Variants in ASMTL observed in about 807,000 individuals in gnomAD.
ASMTL encodes the protein acetylserotonin O-methyltransferase like, also known as probable bifunctional dTTP/UTP pyrophosphatase/methyltransferase protein.
Under a neutral mutation model 60.3 loss-of-function variants are expected in ASMTL, and 57 were observed. That is an observed-to-expected ratio of 0.95 (90% CI 0.76 to 1.18). The LOEUF (loss-of-function observed/expected upper bound fraction) is 1.18, where lower values mean the gene tolerates loss of function less well. Among genes scored for constraint, ASMTL ranks in the 50% most tolerant of loss-of-function variants. The pLI is 0.00. For missense variants in ASMTL, 981 were observed against 852.6 expected (o/e 1.15, Z -1.88); for synonymous variants, 419 against 373.0 (o/e 1.12, Z -1.42).
chrX:1,413,031 G>A, intron 11 of ASMTL, 177 bp from the exon 12 acceptor site: 2 of 687,204 alleles, frequency 2.9e-6, no homozygotes, highest in South Asian at 1.8e-5. Context: ...GCTCCATGAG[G>A]AGCTGGTTAG....
At position 1,412,920 on chromosome X, in the gene ASMTL, C is replaced by T. The variant is rs1254518303; in HGVS notation, c.1523-66G>A. On this transcript the variant is annotated intron_variant, in intron 11 of 12. Coordinates refer to ENST00000381317, the MANE Select transcript of ASMTL (RefSeq NM_004192.4). ...AAGAAGCAGTCCTCCCCGGACAGAT[C>T]CTGGGACGGCCACCCGCATCCTAAA... The T allele has an allele frequency of 1.0e-5, 16 of 1,575,082 alleles. 1 individual carries two copies. In the South Asian group the frequency reaches 1.5e-4, roughly 15 times the overall value.
intron 7 of ASMTL, 89 bp downstream of exon 7, chrX:1,427,645 C>T: frequency 7.1e-7 from 1 of 1,416,248 alleles, no homozygotes; most frequent in South Asian, 1.3e-5. Context: ...TGCCAGCCTC[C>T]AGGACAGTGA....
intron 9 of ASMTL, among the ~76,000 whole-genome samples, chrX:1,419,879 G>A (rs184896855): frequency 0.025 from 3,819 of 152,224 alleles, 161 homozygotes; most frequent in African/African-American, 0.087. Context: ...GCCCCTGTCC[G>A]TGCCTCTCGG....
At position 1,412,850 on chromosome X, in the gene ASMTL, G is replaced by C. The variant is rs377447226; in HGVS notation, c.1527C>G (p.Asp509Glu). 3.7e-6 allele frequency: 6 copies of C among 1,613,850 alleles called. No homozygotes were observed. The highest frequency in any genetic ancestry group is 5.1e-6 in the Non-Finnish European group (6 of 1,179,826). The change falls in exon 12 of 13, where the codon GAC (aspartate) becomes GAG (glutamate). Residue 509 changes from aspartate (D) to glutamate (E), a missense_variant. Physicochemically the swap from Asp to Glu is conservative, Grantham distance 45. Transcript: ENST00000381317. ...CGCTGGGGAGGGGGTCCCTGAAAAAGTCACCTGGTTTAAAGACAAAACGAG... is the reference window on the plus strand; with the variant it reads ...CGCTGGGGAGGGGGTCCCTGAAAAACTCACCTGGTTTAAAGACAAAACGAG... The part of the protein sequence containing the change: ...QAVQIHFAAG[D>E]FFRDPLPSAE...
At chrX:1,450,747 C>T (rs1483435237) in intron 1 of ASMTL, among the ~76,000 whole-genome samples, 3 of 148,372 alleles carry the variant, frequency 2.0e-5, no homozygotes, top group African/African-American at 7.5e-5. Flanking sequence ...CTCCCCTCCC[C>T]CATCCCTAGG....
At position 1,412,974 on chromosome X, in the gene ASMTL, C is replaced by T. The variant is rs755491907; in HGVS notation, c.1523-120G>A. 1,346 of 1,107,706 alleles carry T rather than the reference C, an allele frequency of 1.2e-3. 6 individuals carry two copies. Among genetic ancestry groups the T allele is most frequent in the Middle Eastern group, 7.0e-3 (24 of 3,440 alleles). The allele number at this position is 1,107,706 out of a possible 1,614,324, so 68.6% of individuals were successfully genotyped here. On this transcript the variant is annotated intron_variant, in intron 11 of 12. Transcript: ENST00000381317. ...GGGACAGAGAAGAGAGGGGTGTGGG[C>T]GGGAATGGGTCTTCCTGAAGTACAT...
chrX:1,452,529 G>A (rs1330109779), intron 1 of ASMTL, among the ~76,000 whole-genome samples: 17 of 146,332 alleles, frequency 1.2e-4, no homozygotes, highest in African/African-American at 4.3e-4. Flanking sequence ...CCCATGCCTA[G>A]GGGGTTCCGG....
At position 1,404,915 on chromosome X, in the gene ASMTL, G is replaced by A. The variant is rs181163240; in HGVS notation, c.1646-1426C>T. ...TGAATAGATGGTAGCTGATGGGTAC[G>A]TAGGTAGATGTATGGATGGATAGAT... On this transcript the variant is annotated intron_variant, in intron 12 of 12. Coordinates refer to ENST00000381317, the MANE Select transcript of ASMTL (RefSeq NM_004192.4). 4.3e-3 allele frequency among the ~76,000 whole-genome samples: 646 copies of A among 151,700 alleles called. 5 individuals are homozygous for A. The highest frequency in any genetic ancestry group is 0.014 in the African/African-American group (596 of 41,218).
chrX:1,405,342 G>T lies in ASMTL; in HGVS notation c.1646-1853C>A, dbSNP rs367851478. 2.7e-3 allele frequency among the ~76,000 whole-genome samples: 407 copies of T among 151,088 alleles called. 1 individual carries two copies. The highest frequency in any genetic ancestry group is 9.6e-3 in the African/African-American group (395 of 41,092). ...TAGATGATGGATCGTTAGGTGGATG[G>T]ATAGATGGAGGCATGGATGAGATGG... On this transcript the variant is annotated intron_variant, in intron 12 of 12. Coordinates refer to ENST00000381317, the MANE Select transcript of ASMTL (RefSeq NM_004192.4).
rs1328685766 is a variant in ASMTL, at chrX:1,432,017, C to G, written c.509+252G>C. On this transcript the variant is annotated intron_variant, in intron 6 of 12. Coordinates refer to ENST00000381317, the MANE Select transcript of ASMTL (RefSeq NM_004192.4). ...CCTCTACCCCTGCCCAGCGCCTCCC[C>G]AGTCCCCACCGCAGCCCAGCGTTGG... is the stretch of plus-strand genomic sequence containing the variant. 18 of 570,200 alleles carry G rather than the reference C, an allele frequency of 3.2e-5. No individual in the cohort carries two copies. The Admixed American group carries it at 5.2e-4, about 17-fold the overall frequency. The allele number at this position is 570,200 out of a possible 1,614,324, so 35.3% of individuals were successfully genotyped here.
At chrX:1,446,359 G>A (rs775235495) in intron 1 of ASMTL, among the ~76,000 whole-genome samples, 2 of 152,122 alleles carry the variant, frequency 1.3e-5, no homozygotes, top group Admixed American at 6.5e-5. Flanking sequence ...CAGTCTCCGC[G>A]TCTTGGTGGT....
chrX:1,417,536 C>CACAT (rs1491039214), intron 11 of ASMTL, among the ~76,000 whole-genome samples: 1 of 128,758 alleles, frequency 7.8e-6, no homozygotes. Flanking sequence ...CACACACACA[C>CACAT]ATGCACACAG....
At chrX:1,436,497 C>T (rs28880393) in intron 3 of ASMTL, among the ~76,000 whole-genome samples, 58,018 of 150,288 alleles carry the variant, frequency 0.39, 11,141 homozygotes, top group Middle Eastern at 0.48. Flanking sequence ...GGACTACAGG[C>T]GCCCGCCACC....
In ASMTL at chrX:1,435,250, G is replaced by A. The variant is rs758869184; in HGVS notation, c.339-167C>T. On this transcript the variant is annotated intron_variant, in intron 4 of 12. Coordinates refer to ENST00000381317, the MANE Select transcript of ASMTL (RefSeq NM_004192.4). ...GTGGGGTCTCCAGGGAAACCTTTAC[G>A]GAGAGGCCGAGGGAAGGGGTCACAA... The A allele has an allele frequency of 8.9e-4, 657 of 734,110 alleles. 6 individuals carry two copies. In the African/African-American group the frequency reaches 0.012, roughly 13 times the overall value. 45.5% of individuals were successfully genotyped at this position (734,110 alleles called of 1,614,324 possible). A position where few individuals can be genotyped will look rare whatever the true frequency, so the allele number is the denominator to read the frequency against.
At chrX:1,423,678 AT>A (rs2090535257) in intron 8 of ASMTL, among the ~76,000 whole-genome samples, 1 of 142,902 alleles carries the variant, frequency 7.0e-6, no homozygotes, top group Non-Finnish European at 1.5e-5. Context: ...CGATCCACCC[AT>A]CTACCCACTC....
At chrX:1,417,026 GAGACAC>G (rs2090308113) in intron 11 of ASMTL, among the ~76,000 whole-genome samples, 1 of 22,880 alleles carries the variant, frequency 4.4e-5, no homozygotes, top group South Asian at 2.7e-3. Context: ...GAAACACACA[GAGACAC>G]AGACACAAGC....
chrX:1,413,041 G>A, intron 11 of ASMTL, 187 bp from the exon 12 acceptor site: 5 of 654,486 alleles, frequency 7.6e-6, no homozygotes, highest in Middle Eastern at 4.3e-4. Flanking sequence ...GAGCTGGTTA[G>A]TGATGTCACG....
chrX:1,417,440 A>G (rs2090329890), intron 11 of ASMTL, among the ~76,000 whole-genome samples: 1 of 151,466 alleles, frequency 6.6e-6, no homozygotes. Context: ...ACACACACAC[A>G]AGGACATACT....
intron 1 of ASMTL, among the ~76,000 whole-genome samples, chrX:1,451,667 C>A (rs2091389616): frequency 6.7e-6 from 1 of 149,270 alleles, no homozygotes. Context: ...CTTGACCTCC[C>A]CATTCCTAGG....
Sources: gnomAD v4.1 joint callset for allele counts (sites outside exome capture counted in the v4.1 genomes callset) on GRCh38, gnomAD v4.1.1 for gene constraint, MANE v1.5 for transcripts, NCBI Gene and HGNC (gene_info 2026-07-23, HGNC 2026-07-21) for gene names.